ADAMTS19: variants seen among roughly 807,000 people sequenced by gnomAD.
ADAMTS19 encodes the protein A disintegrin and metalloproteinase with thrombospondin motifs 19.
In ADAMTS19, 93 loss-of-function variants were observed where a neutral mutation model predicts 153.3. That is an observed-to-expected ratio of 0.61 (90% CI 0.51 to 0.72). The LOEUF (loss-of-function observed/expected upper bound fraction) is 0.72. Ranked by LOEUF, ADAMTS19 falls within the 30% of genes least tolerant of loss-of-function variation. The probability of loss-of-function intolerance (pLI) is 0.00; values close to 1 mark genes in which losing one functional copy is unlikely to be tolerated. For missense variants in ADAMTS19, 1,482 were observed against 1,552.1 expected (o/e 0.95, Z 0.76); for synonymous variants, 600 against 556.6 (o/e 1.08, Z -1.10).
At chr5:129,562,410 G>C (rs1753555991) in intron 7 of ADAMTS19, among the ~76,000 whole-genome samples, 1 of 152,126 alleles carries the variant, frequency 6.6e-6, no homozygotes, top group Non-Finnish European at 1.5e-5. Flanking sequence ...AGTGAAGTTG[G>C]TGCCACTGTC....
chr5:129,498,113 C>T (rs1365784478), intron 2 of ADAMTS19, among the ~76,000 whole-genome samples: 2 of 152,084 alleles, frequency 1.3e-5, no homozygotes, highest in Non-Finnish European at 2.9e-5. Flanking sequence ...TCAGTCTCCA[C>T]ACCACCTGTC....
At chr5:129,651,585 T>G (rs1753317107) in intron 13 of ADAMTS19, among the ~76,000 whole-genome samples, 1 of 152,166 alleles carries the variant, frequency 6.6e-6, no homozygotes, top group Non-Finnish European at 1.5e-5. Flanking sequence ...AGGCTTTCCT[T>G]CTCAAGCTTT....
chr5:129,468,992 G>GTC (rs1017692006), intron 2 of ADAMTS19, among the ~76,000 whole-genome samples: 57 of 152,092 alleles, frequency 3.7e-4, no homozygotes, highest in African/African-American at 1.3e-3. Flanking sequence ...GGCCAGGCTG[G>GTC]TCTCAAACTC....
At chr5:129,694,903 G>T (rs1755489395) in intron 19 of ADAMTS19, 48 bp downstream of exon 19, 1 of 1,437,724 alleles carries the variant, frequency 7.0e-7, no homozygotes, top group Non-Finnish European at 9.3e-7. Flanking sequence ...CCATTAGATT[G>T]CTGTCCTTTA....
At chr5:129,586,858 T>C (rs1212645047) in intron 7 of ADAMTS19, among the ~76,000 whole-genome samples, 1 of 152,220 alleles carries the variant, frequency 6.6e-6, no homozygotes, top group African/African-American at 2.4e-5. Flanking sequence ...GAGCTTTGTT[T>C]ATTCTGTGTT....
At chr5:129,560,217 AT>A (rs1414453260) in intron 7 of ADAMTS19, among the ~76,000 whole-genome samples, 2 of 152,200 alleles carry the variant, frequency 1.3e-5, no homozygotes, top group African/African-American at 4.8e-5. Flanking sequence ...AGTCTAACTT[AT>A]TTTAATGCCA....
At chr5:129,665,642 T>TGGG in intron 16 of ADAMTS19, 63 bp downstream of exon 16, 2 of 1,275,632 alleles carry the variant, frequency 1.6e-6, no homozygotes, top group Non-Finnish European at 2.2e-6. Flanking sequence ...CCCTGAGAGT[T>TGGG]CTATGATGAG....
intron 21 of ADAMTS19, among the ~76,000 whole-genome samples, chr5:129,731,206 C>T (rs1294684711): frequency 1.3e-5 from 2 of 151,970 alleles, no homozygotes; most frequent in Non-Finnish European, 2.9e-5. Flanking sequence ...TGACTGCCGG[C>T]CTCAGCCTCC....
chr5:129,694,672 T>C, intron 18 of ADAMTS19, 48 bp from the exon 19 acceptor site: 1 of 1,355,418 alleles, frequency 7.4e-7, no homozygotes, highest in Non-Finnish European at 9.6e-7. Flanking sequence ...CTAAATCCAT[T>C]ACATAAAGGC....
At chr5:129,462,030 TAACTTCTTCCCAATGGCTC>T (rs765080167) in intron 2 of ADAMTS19, among the ~76,000 whole-genome samples, 2 of 152,214 alleles carry the variant, frequency 1.3e-5, no homozygotes, top group African/African-American at 2.4e-5. Flanking sequence ...TGCCTTTTCG[TAACTTCTTCCCAATGGCTC>T]AACTTCTTTC....
At chr5:129,539,833 T>TA (rs1460293343) in intron 6 of ADAMTS19, among the ~76,000 whole-genome samples, 3 of 152,074 alleles carry the variant, frequency 2.0e-5, no homozygotes, top group Non-Finnish European at 2.9e-5. Context: ...TGTTCTCCCT[T>TA]TACTCACTTG....
intron 16 of ADAMTS19, among the ~76,000 whole-genome samples, chr5:129,667,093 C>T (rs1485518240): frequency 3.3e-5 from 5 of 152,154 alleles, no homozygotes; most frequent in Middle Eastern, 3.2e-3. Context: ...ATAAGGTCAG[C>T]AAATGCCCTC....
rs998257142 is a variant in ADAMTS19, at chr5:129,461,566, C to T, written c.556C>T (p.Leu186Phe). 6.4e-7 allele frequency: 1 copy of T among 1,556,604 alleles called. No individual in the cohort carries two copies. Among genetic ancestry groups the T allele is most frequent in the Non-Finnish European group, 8.6e-7 (1 of 1,157,936 alleles). The change falls in exon 2 of 23, where the codon CTC (leucine) becomes TTC (phenylalanine). Residue 186 changes from leucine (L) to phenylalanine (F), a missense_variant. Leu to Phe is a conservative substitution (Grantham distance 22). Coordinates refer to ENST00000274487, the MANE Select transcript of ADAMTS19 (RefSeq NM_133638.6). The surrounding 1 kb of genome is among the most constrained non-coding windows in gnomAD (Gnocchi z 4.6). ...PAFSRDLYLL[L>F]RRDGRFLAPR... is the part of the protein sequence containing the mutation. Reference sequence around the variant, plus strand: ...CTTCTCTCGGGACCTGTACCTGCTGCTCCGGAGAGACGGCCGCTTCCTGGC... The same window carrying T: ...CTTCTCTCGGGACCTGTACCTGCTGTTCCGGAGAGACGGCCGCTTCCTGGC...
intron 2 of ADAMTS19, among the ~76,000 whole-genome samples, chr5:129,503,754 G>A (rs1446179819): frequency 6.6e-6 from 1 of 152,080 alleles, no homozygotes. Flanking sequence ...CGAGAACCCA[G>A]GAGGCGGAGG....
chr5:129,668,324 AT>A (rs1461138309), intron 16 of ADAMTS19, among the ~76,000 whole-genome samples: 1 of 152,200 alleles, frequency 6.6e-6, no homozygotes, highest in Non-Finnish European at 1.5e-5. Context: ...ACAGAAGGTA[AT>A]TATCTAGTTT....
At chr5:129,661,857 G>A (rs10214296) in intron 15 of ADAMTS19, among the ~76,000 whole-genome samples, 3,989 of 152,204 alleles carry the variant, frequency 0.026, 165 homozygotes, top group African/African-American at 0.089. Flanking sequence ...GAGCTTTTGC[G>A]TGTTTGGTTG....
In ADAMTS19 at chr5:129,477,425, T is replaced by C. The variant is rs543844678; in HGVS notation, c.747+15668T>C. ...TGTGTGAATTGATACAACCTTCGTA[T>C]GAGGGAGGCAGAATCAATCATAAAG... On this transcript the variant is annotated intron_variant, in intron 2 of 22. Coordinates refer to ENST00000274487, the MANE Select transcript of ADAMTS19 (RefSeq NM_133638.6). 5.3e-5 allele frequency among the ~76,000 whole-genome samples: 8 copies of C among 152,226 alleles called. No individual in the cohort carries two copies. The East Asian group carries it at 1.5e-3, about 29-fold the overall frequency.
At chr5:129,639,721 T>C (rs892768811) in intron 10 of ADAMTS19, among the ~76,000 whole-genome samples, 1 of 152,224 alleles carries the variant, frequency 6.6e-6, no homozygotes, top group Non-Finnish European at 1.5e-5. Context: ...AAAATAATTA[T>C]TGTTATGAGA....
At chr5:129,700,250 A>G (rs982324136) in intron 19 of ADAMTS19, among the ~76,000 whole-genome samples, 11 of 152,206 alleles carry the variant, frequency 7.2e-5, no homozygotes, top group African/African-American at 2.2e-4. Context: ...CTGCTGAATC[A>G]GTGAGATCAA....
Sources: allele counts gnomAD v4.1 joint callset (sites outside exome capture counted in the v4.1 genomes callset), GRCh38; gene constraint gnomAD v4.1.1; non-coding constraint Gnocchi (gnomAD v3.1); transcripts MANE v1.5; gene names NCBI Gene and HGNC (gene_info 2026-07-23, HGNC 2026-07-21).